NF1: variants seen among roughly 807,000 people sequenced by gnomAD.
NF1 encodes the protein neurofibromin.
Under a neutral mutation model 325.7 loss-of-function variants are expected in NF1, and 122 were observed. The observed-to-expected ratio is 0.37, with a 90% confidence interval of 0.32 to 0.44. The LOEUF (loss-of-function observed/expected upper bound fraction) is 0.44, where lower values mean the gene tolerates loss of function less well. NF1 is among the 20% of genes least tolerant of loss of function. The pLI, the probability that NF1 is intolerant of heterozygous loss-of-function variation, is 1.00. For synonymous variants in NF1, 1,091 were observed against 1,186.0 expected (o/e 0.92, Z 1.65); for missense variants, 2,140 against 3,415.4 (o/e 0.63, Z 9.31).
rs73275652 is a variant in NF1 at position 31,281,360 on chromosome 17, C to T, written c.4835+16021C>T. On this transcript the variant is annotated intron_variant, in intron 36 of 57. Coordinates refer to ENST00000358273, the MANE Select transcript of NF1 (RefSeq NM_001042492.3). ...AGCTGGCTAAGCCACAAAGTCTGCCCAAAAAGCTCAGAATGACAAATGAAT... is the reference window on the plus strand; with the variant it reads ...AGCTGGCTAAGCCACAAAGTCTGCCTAAAAAGCTCAGAATGACAAATGAAT... Among the ~76,000 whole-genome samples, 1,191 of 152,210 alleles carry T rather than the reference C, an allele frequency of 7.8e-3. 21 individuals are homozygous for T. Among genetic ancestry groups the T allele is most frequent in the African/African-American group, 0.027 (1,140 of 41,508 alleles).
chr17:31,278,990 G>A (rs2068067349), intron 36 of NF1, among the ~76,000 whole-genome samples: 1 of 152,182 alleles, frequency 6.6e-6, no homozygotes, highest in East Asian at 1.9e-4. Flanking sequence ...TATAATCCCA[G>A]TGCTTTGGAA....
rs1567849511 is a variant in NF1 at position 31,229,861 on chromosome 17, A to G, written c.2877A>G (p.Gln959=). 4 of 1,611,816 alleles carry G rather than the reference A, an allele frequency of 2.5e-6. No homozygotes were observed. The highest frequency in any genetic ancestry group is 2.2e-5 in the East Asian group (1 of 44,872). The change falls in exon 22 of 58, where the codon CAA becomes CAG. Residue 959 remains glutamine, a synonymous_variant. Transcript: ENST00000358273. The part of the protein sequence containing the change: ...GQVLLTDTNT[Q]FVEQTIAIMK... ...TTTTATTGACTGATACCAATACTCA[A>G]TTTGTAGAACAAACCATAGCTATAA...
chr17:31,132,601 G>A (rs922435820), intron 1 of NF1, among the ~76,000 whole-genome samples: 1 of 152,040 alleles, frequency 6.6e-6, no homozygotes, highest in Non-Finnish European at 1.5e-5. Context: ...TGTTAATTTT[G>A]TTGTTACATT....
intron 56 of NF1, 131 bp from the exon 57 acceptor site, chr17:31,360,356 T>C (rs947024267): frequency 2.6e-6 from 2 of 780,808 alleles, no homozygotes; most frequent in African/African-American, 1.7e-5. Context: ...TCCACTCCCC[T>C]TTTTTAATGA....
chr17:31,107,389 T>C (rs1000547367), intron 1 of NF1, among the ~76,000 whole-genome samples: 1 of 152,062 alleles, frequency 6.6e-6, no homozygotes, highest in Non-Finnish European at 1.5e-5. Context: ...GTTCCTCTCA[T>C]GACACAAACT....
At chr17:31,119,531 A>C (rs1914254876) in intron 1 of NF1, among the ~76,000 whole-genome samples, 1 of 151,136 alleles carries the variant, frequency 6.6e-6, no homozygotes, top group Non-Finnish European at 1.5e-5. Context: ...AGATGGAGAG[A>C]TTGCAAAAAT....
At chr17:31,260,947 A>G (rs548295034) in intron 34 of NF1, among the ~76,000 whole-genome samples, 14 of 152,320 alleles carry the variant, frequency 9.2e-5, no homozygotes, top group Non-Finnish European at 1.8e-4. Flanking sequence ...ATAAAGCTTT[A>G]TATAGAAAAT....
intron 36 of NF1, among the ~76,000 whole-genome samples, chr17:31,281,682 C>T (rs1222921895): frequency 2.0e-5 from 3 of 151,938 alleles, no homozygotes; most frequent in Non-Finnish European, 4.4e-5. Context: ...CCATTTAATA[C>T]CCATCTTGAT....
intron 36 of NF1, among the ~76,000 whole-genome samples, chr17:31,271,435 G>A (rs1286298353): frequency 6.6e-6 from 1 of 152,034 alleles, no homozygotes; most frequent in Non-Finnish European, 1.5e-5. Flanking sequence ...TATCAGATTA[G>A]CATTTTTTGT....
At chr17:31,126,211 G>A (rs1165194579) in intron 1 of NF1, among the ~76,000 whole-genome samples, 1 of 151,992 alleles carries the variant, frequency 6.6e-6, no homozygotes, top group Non-Finnish European at 1.5e-5. Flanking sequence ...AAAAAATTAT[G>A]TATCTGGTGG....
intron 1 of NF1, among the ~76,000 whole-genome samples, chr17:31,101,341 G>A (rs1472471684): frequency 6.6e-6 from 1 of 151,998 alleles, no homozygotes; most frequent in Non-Finnish European, 1.5e-5. Context: ...CTGCTATTCA[G>A]TGCCTTTGTC....
chr17:31,305,633 A>G lies in NF1; in HGVS notation c.4836-20187A>G, dbSNP rs374849042. ...ATTTCAGAATATTTCCTCGTTATCT[A>G]TAGCGGGTTTATAATGAAAGAGAAA... On this transcript the variant is annotated intron_variant, in intron 36 of 57. Transcript: ENST00000358273. The G allele has an allele frequency of 3.1e-5, 49 of 1,593,092 alleles. 1 individual carries two copies. The Middle Eastern group carries it at 8.4e-4, about 27-fold the overall frequency.
At chr17:31,125,828 G>C (rs184199421) in intron 1 of NF1, among the ~76,000 whole-genome samples, 33 of 152,248 alleles carry the variant, frequency 2.2e-4, no homozygotes, top group Admixed American at 1.2e-3. Flanking sequence ...GAGCCACTGC[G>C]CCTGGCCACC....
chr17:31,236,466 G>C (rs1283621915), intron 29 of NF1, among the ~76,000 whole-genome samples: 1 of 152,128 alleles, frequency 6.6e-6, no homozygotes, highest in African/African-American at 2.4e-5. Flanking sequence ...TTGAGACAGA[G>C]TCTCACTCTG....
intron 8 of NF1, among the ~76,000 whole-genome samples, chr17:31,189,758 A>ATTTT (rs1007309645): frequency 8.4e-6 from 1 of 118,588 alleles, no homozygotes; most frequent in Non-Finnish European, 1.8e-5. Context: ...AAAGAAAAGT[A>ATTTT]TTTTTTTTTT....
At chr17:31,136,355 G>C (rs914045994) in intron 1 of NF1, 1 of 129,918 alleles carries the variant, frequency 7.7e-6, no homozygotes, top group Admixed American at 7.8e-5. Context: ...AAAAAGGAAA[G>C]AAAATACAGT....
At chr17:31,210,377 G>A (rs1353792252) in intron 12 of NF1, among the ~76,000 whole-genome samples, 1 of 152,284 alleles carries the variant, frequency 6.6e-6, no homozygotes, top group Non-Finnish European at 1.5e-5. Flanking sequence ...GAGACCAGGA[G>A]TTTGAGACCA....
At chr17:31,323,117 C>T (rs565760201) in intron 36 of NF1, among the ~76,000 whole-genome samples, 43 of 152,148 alleles carry the variant, frequency 2.8e-4, no homozygotes, top group South Asian at 1.5e-3. Flanking sequence ...ATTATAAAAG[C>T]AGGACATGGT....
chr17:31,200,094 C>G (rs1347126441), intron 8 of NF1, among the ~76,000 whole-genome samples: 1 of 151,532 alleles, frequency 6.6e-6, no homozygotes, highest in Non-Finnish European at 1.5e-5. Context: ...CAAGATCGTG[C>G]CTTTGTACTC....
Sources: allele counts gnomAD v4.1 joint callset (sites outside exome capture counted in the v4.1 genomes callset), GRCh38; gene constraint gnomAD v4.1.1; transcripts MANE v1.5; gene names NCBI Gene and HGNC (gene_info 2026-07-23, HGNC 2026-07-21).